ANKFN1: variants seen among roughly 807,000 people sequenced by gnomAD.
ANKFN1 encodes the protein ankyrin repeat and fibronectin type III domain containing 1, also known as ankyrin repeat and fibronectin type-III domain-containing protein 1.
ANKFN1 carries 74 observed loss-of-function variants against 108.7 expected under a neutral mutation model. The ratio of observed to expected loss-of-function variants is 0.68; its 90% CI spans 0.56 to 0.83. The LOEUF (loss-of-function observed/expected upper bound fraction) is 0.83, where lower values mean the gene tolerates loss of function less well. ANKFN1 is among the 40% of genes least tolerant of loss of function. The probability of loss-of-function intolerance (pLI) is 0.00; values close to 1 mark genes in which losing one functional copy is unlikely to be tolerated. For missense variants in ANKFN1, 1,505 were observed against 1,382.3 expected, an observed-to-expected ratio of 1.09 and a Z score of -1.41; for synonymous variants, 547 against 516.2, an observed-to-expected ratio of 1.06 and a Z score of -0.81.
intron 4 of ANKFN1, among the ~76,000 whole-genome samples, chr17:56,061,263 T>TCC (rs1243102615): frequency 1.4e-3 from 166 of 114,486 alleles, no homozygotes; most frequent in Non-Finnish European, 2.3e-3. Flanking sequence ...ATGGTAGTTT[T>TCC]TCTTTTTTTT....
At chr17:56,105,367 T>C (rs1042782343) in intron 4 of ANKFN1, among the ~76,000 whole-genome samples, 1 of 152,112 alleles carries the variant, frequency 6.6e-6, no homozygotes, top group Non-Finnish European at 1.5e-5. Flanking sequence ...GGGAGTCTGC[T>C]AGCTACCCCT....
intron 8 of ANKFN1, among the ~76,000 whole-genome samples, chr17:56,387,576 G>A (rs1430069396): frequency 6.6e-6 from 1 of 152,184 alleles, no homozygotes; most frequent in Non-Finnish European, 1.5e-5. Context: ...GCTAACTACT[G>A]AATCAGTTGT....
chr17:56,410,050 C>A (rs1567980062), intron 8 of ANKFN1, among the ~76,000 whole-genome samples: 1 of 152,064 alleles, frequency 6.6e-6, no homozygotes, highest in Non-Finnish European at 1.5e-5. Context: ...GGTAAAACCC[C>A]AAATGACAGA....
intron 3 of ANKFN1, among the ~76,000 whole-genome samples, chr17:56,321,824 A>T (rs1378144818): frequency 6.6e-6 from 1 of 152,184 alleles, no homozygotes; most frequent in Non-Finnish European, 1.5e-5. Context: ...ATAAAAAGTA[A>T]CTTGCCCAAG....
chr17:56,501,641 A>G (rs1176010100), intron 20 of ANKFN1, among the ~76,000 whole-genome samples: 3 of 152,228 alleles, frequency 2.0e-5, no homozygotes, highest in Non-Finnish European at 4.4e-5. Flanking sequence ...TTATAGATTT[A>G]AGAATTTGTT....
At position 56,299,791 on chromosome 17, in the gene ANKFN1, G is replaced by T. The variant is rs552801684; in HGVS notation, c.54-26430G>T. On this transcript the variant is annotated intron_variant, in intron 3 of 20. Transcript: ENST00000682825. The stretch of plus-strand genomic sequence containing the variant: ...TGGCACATGGTAAACCCCAATAAGA[G>T]CTAGCAGTTTTTATTTCTATTCTCC... Among the ~76,000 whole-genome samples the T allele has an allele frequency of 3.9e-5, 6 of 152,248 alleles. No individual in the cohort carries two copies. In the South Asian group the frequency reaches 1.2e-3, roughly 32 times the overall value.
chr17:56,138,421 C>G (rs1445844197), intron 4 of ANKFN1, among the ~76,000 whole-genome samples: 2 of 152,090 alleles, frequency 1.3e-5, no homozygotes, highest in Admixed American at 6.5e-5. Flanking sequence ...AGTACTCATA[C>G]AGCAGAGTGG....
At chr17:56,475,821 T>A (rs1277643539) in intron 15 of ANKFN1, among the ~76,000 whole-genome samples, 1 of 152,184 alleles carries the variant, frequency 6.6e-6, no homozygotes, top group Non-Finnish European at 1.5e-5. Context: ...GATATGCTCC[T>A]ACTTACAGGA....
At chr17:56,235,703 A>C (rs920089951) in intron 3 of ANKFN1, among the ~76,000 whole-genome samples, 2 of 152,014 alleles carry the variant, frequency 1.3e-5, no homozygotes, top group Admixed American at 1.3e-4. Flanking sequence ...ATTCTGTTCC[A>C]TTGGCCTATG....
intron 8 of ANKFN1, among the ~76,000 whole-genome samples, chr17:56,420,902 G>T (rs1160535180): frequency 6.6e-6 from 1 of 151,870 alleles, no homozygotes; most frequent in Non-Finnish European, 1.5e-5. Context: ...TAGAGACGGG[G>T]TTTCACCGTG....
intron 4 of ANKFN1, among the ~76,000 whole-genome samples, chr17:56,114,155 T>G (rs928255966): frequency 1.4e-4 from 21 of 152,332 alleles, no homozygotes; most frequent in African/African-American, 4.3e-4. Context: ...TCTTCATCTT[T>G]TAGTTAAACA....
chr17:56,423,614 A>T (rs9897172), intron 8 of ANKFN1, among the ~76,000 whole-genome samples: 1 of 151,870 alleles, frequency 6.6e-6, no homozygotes, highest in South Asian at 2.1e-4. Flanking sequence ...GATTGTGCCC[A>T]AATTTTTCAG....
chr17:56,411,822 AC>A (rs2048098917), intron 8 of ANKFN1, among the ~76,000 whole-genome samples: 1 of 152,122 alleles, frequency 6.6e-6, no homozygotes, highest in African/African-American at 2.4e-5. Flanking sequence ...ATCCCTTCAT[AC>A]CCCTGGAATG....
At chr17:56,103,092 G>A (rs547874574) in intron 4 of ANKFN1, among the ~76,000 whole-genome samples, 1 of 152,304 alleles carries the variant, frequency 6.6e-6, no homozygotes, top group Admixed American at 6.5e-5. Context: ...GGGACTGTGT[G>A]CATCTGGATA....
intron 4 of ANKFN1, among the ~76,000 whole-genome samples, chr17:56,327,805 A>C (rs140903762): frequency 6.6e-6 from 1 of 152,350 alleles, no homozygotes; most frequent in African/African-American, 2.4e-5. Context: ...AACTCAGTTA[A>C]TGTTTTCATG....
chr17:56,435,322 G>A (rs2048897312), intron 8 of ANKFN1, among the ~76,000 whole-genome samples: 1 of 152,156 alleles, frequency 6.6e-6, no homozygotes, highest in African/African-American at 2.4e-5. Context: ...CATGGTCCTT[G>A]CCCTAAGGAG....
rs576809451 is a variant in ANKFN1 at position 56,476,149 on chromosome 17, C to T, written c.1774-1339C>T. Among the ~76,000 whole-genome samples, 18 of 152,278 alleles carry T rather than the reference C, an allele frequency of 1.2e-4. 2 individuals are homozygous for T. Among genetic ancestry groups the T allele is most frequent in the African/African-American group, 4.3e-4 (18 of 41,560 alleles). On this transcript the variant is annotated intron_variant, in intron 15 of 20. Coordinates refer to ENST00000682825, the MANE Select transcript of ANKFN1 (RefSeq NM_001370326.1). ...ACACCCATGACCCAGTTACCTCCCA[C>T]CAGGCCCCTCCGCCAATTGAACATG...
chr17:56,350,590 T>TGGGTTTCAGC (rs1349555130), intron 4 of ANKFN1, among the ~76,000 whole-genome samples, 176 bp from the exon 5 acceptor site: 10 of 152,254 alleles, frequency 6.6e-5, no homozygotes, highest in African/African-American at 2.4e-4. Flanking sequence ...TTCCTTTCCC[T>TGGGTTTCAGC]GGGTTTCAGC....
intron 4 of ANKFN1, among the ~76,000 whole-genome samples, chr17:56,082,265 G>T (rs1905255468): frequency 6.7e-6 from 1 of 149,260 alleles, no homozygotes; most frequent in Non-Finnish European, 1.5e-5. Flanking sequence ...AGTTTTTGTT[G>T]TTGTTGTTGT....
Sources: gnomAD v4.1 joint callset for allele counts (sites outside exome capture counted in the v4.1 genomes callset) on GRCh38, gnomAD v4.1.1 for gene constraint, MANE v1.5 for transcripts, NCBI Gene and HGNC (gene_info 2026-07-23, HGNC 2026-07-21) for gene names.